Variants in CTNNA2 observed in about 807,000 individuals in gnomAD.
CTNNA2 encodes catenin alpha-2.
Under a neutral mutation model 101.0 loss-of-function variants are expected in CTNNA2, and 42 were observed. The observed-to-expected ratio is 0.42, with a 90% confidence interval of 0.32 to 0.54. CTNNA2 has a LOEUF of 0.54. CTNNA2 is among the 20% of genes least tolerant of loss of function. The probability of loss-of-function intolerance (pLI) is 0.14; values close to 1 mark genes in which losing one functional copy is unlikely to be tolerated. For synonymous variants in CTNNA2, 450 were observed against 456.4 expected (o/e 0.99, Z 0.18); for missense variants, 871 against 1,223.1 (o/e 0.71, Z 4.29).
At chr2:80,226,805 T>C (rs1708913610) in intron 7 of CTNNA2, among the ~76,000 whole-genome samples, 1 of 152,156 alleles carries the variant, frequency 6.6e-6, no homozygotes, top group Non-Finnish European at 1.5e-5. Flanking sequence ...CATCTCCCTC[T>C]TTCTCATATC....
chr2:79,196,877 G>A (rs1168612903), intron 1 of CTNNA2, among the ~76,000 whole-genome samples: 1 of 152,126 alleles, frequency 6.6e-6, no homozygotes, highest in Admixed American at 6.5e-5. Flanking sequence ...GTTTAGGGAT[G>A]CATGCTTCTT....
At chr2:80,475,562 T>C (rs72914982) in intron 9 of CTNNA2, among the ~76,000 whole-genome samples, 4,715 of 152,216 alleles carry the variant, frequency 0.031, 243 homozygotes, top group African/African-American at 0.11. Flanking sequence ...AAATCTGCTA[T>C]TCTGTCACCA....
At chr2:80,411,478 T>C (rs1350021015) in intron 8 of CTNNA2, among the ~76,000 whole-genome samples, 2 of 152,158 alleles carry the variant, frequency 1.3e-5, no homozygotes, top group Non-Finnish European at 2.9e-5. Flanking sequence ...GGGGCTCTTC[T>C]TCTTTTTGGT....
chr2:79,813,012 A>G (rs1452776591), intron 3 of CTNNA2, among the ~76,000 whole-genome samples: 1 of 152,138 alleles, frequency 6.6e-6, no homozygotes, highest in African/African-American at 2.4e-5. Context: ...CCTTGTTACC[A>G]CTAGTTAGAC....
rs187987446 is a variant in CTNNA2 at position 79,446,161 on chromosome 2, G to C, written c.-134-58893G>C. On this transcript the variant is annotated intron_variant, in intron 4 of 21. Transcript: ENST00000466387. ...CCATAAAGAGGTCCCTGAGATCGGA[G>C]AAAATGTCTTGTTGCCTGTCACATC... 5.9e-5 allele frequency among the ~76,000 whole-genome samples: 9 copies of C among 152,044 alleles called. No individual in the cohort carries two copies. The East Asian group carries it at 1.8e-3, about 30-fold the overall frequency.
intron 2 of CTNNA2, among the ~76,000 whole-genome samples, chr2:79,719,438 G>T (rs1403030264): frequency 1.3e-5 from 2 of 152,012 alleles, no homozygotes; most frequent in African/African-American, 4.8e-5. Flanking sequence ...CAGTAATGGG[G>T]TTGCTCTATT....
intron 2 of CTNNA2, among the ~76,000 whole-genome samples, chr2:79,684,867 G>A (rs560036541): frequency 6.6e-6 from 1 of 151,970 alleles, no homozygotes; most frequent in Non-Finnish European, 1.5e-5. Context: ...TCTCACTACC[G>A]AGCTGACCTC....
intron 11 of CTNNA2, among the ~76,000 whole-genome samples, chr2:80,550,788 T>G (rs1692492832): frequency 6.9e-6 from 1 of 145,696 alleles, no homozygotes; most frequent in Non-Finnish European, 1.5e-5. Flanking sequence ...ACTGAAGTCT[T>G]GAACCCTTCA....
intron 7 of CTNNA2, among the ~76,000 whole-genome samples, chr2:80,136,966 C>T (rs1414304415): frequency 6.6e-6 from 1 of 152,138 alleles, no homozygotes; most frequent in African/African-American, 2.4e-5. Context: ...CTCCGTACAA[C>T]ATGTTTATGT....
At chr2:79,588,565 A>G (rs1676643050) in intron 1 of CTNNA2, among the ~76,000 whole-genome samples, 1 of 152,228 alleles carries the variant, frequency 6.6e-6, no homozygotes, top group Non-Finnish European at 1.5e-5. Flanking sequence ...GAAATTAATT[A>G]AACCATAGTG....
At chr2:79,727,661 T>C (rs1211078794) in intron 2 of CTNNA2, among the ~76,000 whole-genome samples, 5 of 151,700 alleles carry the variant, frequency 3.3e-5, no homozygotes, top group Non-Finnish European at 7.4e-5. Context: ...TGTGCCATGC[T>C]GGTGTCCTGC....
intron 7 of CTNNA2, among the ~76,000 whole-genome samples, chr2:79,985,152 G>T (rs1169724124): frequency 6.6e-6 from 1 of 152,144 alleles, no homozygotes; most frequent in Non-Finnish European, 1.5e-5. Flanking sequence ...AGCCTGCCCT[G>T]CAGGCTGATC....
chr2:80,444,608 A>T (rs1042267117), intron 9 of CTNNA2, among the ~76,000 whole-genome samples: 1 of 152,160 alleles, frequency 6.6e-6, no homozygotes, highest in Admixed American at 6.5e-5. Flanking sequence ...CAGCATGATC[A>T]TACATGGAGA....
chr2:79,347,294 G>A (rs550198737), intron 3 of CTNNA2, among the ~76,000 whole-genome samples: 3 of 152,140 alleles, frequency 2.0e-5, no homozygotes, highest in African/African-American at 7.2e-5. Context: ...TTAAAGTCTC[G>A]AGCAGGAAGA....
At chr2:80,397,135 T>C (rs1016266625) in intron 8 of CTNNA2, among the ~76,000 whole-genome samples, 9 of 152,226 alleles carry the variant, frequency 5.9e-5, no homozygotes, top group Non-Finnish European at 1.2e-4. Context: ...AAAAAATTCC[T>C]TAGCTGTCTC....
chr2:79,710,502 A>G (rs1685671069), intron 2 of CTNNA2, among the ~76,000 whole-genome samples: 1 of 152,314 alleles, frequency 6.6e-6, no homozygotes, highest in Middle Eastern at 3.4e-3. Context: ...TTGTGAATAG[A>G]AGTGTTTCCA....
At chr2:79,865,932 G>C (rs1682051913) in intron 4 of CTNNA2, among the ~76,000 whole-genome samples, 1 of 152,172 alleles carries the variant, frequency 6.6e-6, no homozygotes, top group Non-Finnish European at 1.5e-5. Context: ...TGTTAGCCAG[G>C]ATGGTCTCGA....
At chr2:80,096,528 G>A (rs1339203005) in intron 7 of CTNNA2, among the ~76,000 whole-genome samples, 4 of 152,160 alleles carry the variant, frequency 2.6e-5, no homozygotes, top group African/African-American at 9.7e-5. Context: ...AGGTCCACTT[G>A]GTGCAGAGCT....
At chr2:79,864,958 C>G (rs1305457149) in intron 4 of CTNNA2, among the ~76,000 whole-genome samples, 1 of 152,064 alleles carries the variant, frequency 6.6e-6, no homozygotes, top group Non-Finnish European at 1.5e-5. Flanking sequence ...AGACGTAAGC[C>G]ATTTAGAACA....
Sources: gnomAD v4.1 joint callset for allele counts (sites outside exome capture counted in the v4.1 genomes callset) on GRCh38, gnomAD v4.1.1 for gene constraint, MANE v1.5 for transcripts, NCBI Gene and HGNC (gene_info 2026-07-23, HGNC 2026-07-21) for gene names.